MYF6: variants seen among roughly 807,000 people sequenced by gnomAD.
MYF6 encodes myogenic factor 6.
In MYF6, 20 loss-of-function variants were observed where a neutral mutation model predicts 21.7. That is an observed-to-expected ratio of 0.92 (90% CI 0.65 to 1.34). The LOEUF (loss-of-function observed/expected upper bound fraction) is 1.34, where lower values mean the gene tolerates loss of function less well. Ranked by LOEUF, MYF6 falls within the 40% of genes most tolerant of loss-of-function variation. MYF6 has a pLI of 0.00. For missense variants in MYF6, 320 were observed against 304.1 expected (o/e 1.05, Z -0.39); for synonymous variants, 124 against 124.7 (o/e 0.99, Z 0.04).
At chr12:80,708,768 G>A (rs934817396) in intron 2 of MYF6, 74 bp from the exon 3 acceptor site, 1 of 1,554,190 alleles carries the variant, frequency 6.4e-7, no homozygotes, top group South Asian at 1.1e-5. Context: ...TGCCAAAGCG[G>A]CCTCGCGCGG....
rs2121347018 is a variant in MYF6 at position 80,709,143 on chromosome 12, G to C, written c.*183G>C. 1 of 594,596 alleles carries C rather than the reference G, an allele frequency of 1.7e-6. No individual in the cohort carries two copies. The highest frequency in any genetic ancestry group is 2.0e-5 in the South Asian group (1 of 50,538). 36.8% of individuals were successfully genotyped at this position (594,596 alleles called of 1,614,324 possible). A position where few individuals can be genotyped will look rare whatever the true frequency, so the allele number is the denominator to read the frequency against. ...GAAAATTGCGAAATCTGTTGTGCAT[G>C]CTCAAATGAAAACGCCTTTCGGCTT... On this transcript the variant is annotated 3_prime_UTR_variant, in exon 3 of 3. Transcript: ENST00000228641.
chr12:80,707,870 G>A lies in MYF6; in HGVS notation c.151G>A (p.Glu51Lys). Residue 51 changes from glutamate (E) to lysine (K), a missense_variant, in exon 1 of 3, where the codon GAA becomes AAA. Physicochemically the swap from Glu to Lys is moderately conservative, Grantham distance 56. Coordinates refer to ENST00000228641, the MANE Select transcript of MYF6 (RefSeq NM_002469.3). ...CCCCTGCCAGGACCAAATGCCCCCGGAAGCGGGGAGCGACAGCAGCGGAGA... is the reference window on the plus strand; with the variant it reads ...CCCCTGCCAGGACCAAATGCCCCCGAAAGCGGGGAGCGACAGCAGCGGAGA... ...LSPCQDQMPPEAGSDSSGEEH... is the reference protein window; with the variant it reads ...LSPCQDQMPPKAGSDSSGEEH... The A allele has an allele frequency of 6.2e-7, 1 of 1,614,216 alleles. No homozygotes were observed. Among genetic ancestry groups the A allele is most frequent in the South Asian group, 1.1e-5 (1 of 91,090 alleles).
Position 80,708,020 on chromosome 12 carries a change from C to G in MYF6, c.301C>G (p.Arg101Gly). 1 of 1,614,140 alleles carries G rather than the reference C, an allele frequency of 6.2e-7. No homozygotes were observed. The highest frequency in any genetic ancestry group is 8.5e-7 in the Non-Finnish European group (1 of 1,180,036). ...PTDRRKAATL[R>G]ERRRLKKINE... ...TGACCGGCGAAAAGCCGCCACCCTG[C>G]GCGAAAGGAGGAGGCTAAAGAAAAT... The change falls in exon 1 of 3, where the codon CGC (arginine) becomes GGC (glycine). Residue 101 changes from arginine (R) to glycine (G), a missense_variant. Transcript: ENST00000228641.
intron 2 of MYF6, 60 bp downstream of exon 2, chr12:80,708,674 G>C: frequency 6.4e-7 from 1 of 1,566,200 alleles, no homozygotes; most frequent in Non-Finnish European, 8.8e-7. Context: ...TAGGATGCTT[G>C]GGCCGAGAGG....
In MYF6 at chr12:80,708,211, C is replaced by T. The variant is rs771726479; in HGVS notation, c.492C>T (p.Pro164=). The T allele has an allele frequency of 8.7e-6, 14 of 1,612,678 alleles. No individual in the cohort carries two copies. The highest frequency in any genetic ancestry group is 1.3e-5 in the African/African-American group (1 of 74,882). Reference sequence around the variant, plus strand: ...AGATGCAGGAGCTGGGGGTGGACCCCTTCAGCTACAGACCCAAACAAGAAA... The same window carrying T: ...AGATGCAGGAGCTGGGGGTGGACCCTTTCAGCTACAGACCCAAACAAGAAA... ...QEKMQELGVD[P]FSYRPKQENL... is the part of the protein sequence containing the mutation. Residue 164 remains proline (P), a synonymous_variant, in exon 1 of 3, where the codon CCC becomes CCT. Coordinates refer to ENST00000228641, the MANE Select transcript of MYF6 (RefSeq NM_002469.3).
intron 1 of MYF6, 71 bp downstream of exon 1, chr12:80,708,309 C>T: frequency 6.4e-7 from 1 of 1,559,526 alleles, no homozygotes; most frequent in Non-Finnish European, 8.6e-7. Flanking sequence ...GCCTTAACCT[C>T]CAGCTGCTTG....
Position 80,708,981 on chromosome 12 carries a change from TTCTCCACGCAGCA to T in MYF6, c.*22_*34del. The T allele has an allele frequency of 6.4e-7, 1 of 1,559,052 alleles. No homozygotes were observed. Among genetic ancestry groups the T allele is most frequent in the Non-Finnish European group, 8.8e-7 (1 of 1,129,944 alleles). ...AGTAACTGAGCCTGCGCTTGAGACC[TTCTCCACGCAGCA>T]GGAAGATCCCACCGACCCTTCCTGG... On this transcript the variant is annotated 3_prime_UTR_variant, in exon 3 of 3. Coordinates refer to ENST00000228641, the MANE Select transcript of MYF6 (RefSeq NM_002469.3).
At chr12:80,708,312 G>A in intron 1 of MYF6, 74 bp downstream of exon 1, 1 of 1,556,980 alleles carries the variant, frequency 6.4e-7, no homozygotes, top group Non-Finnish European at 8.6e-7. Context: ...TTAACCTCCA[G>A]CTGCTTGGTC....
rs1216666129 is a variant in MYF6 at position 80,708,083 on chromosome 12, G to A, written c.364G>A (p.Ala122Thr). Residue 122 changes from alanine (A) to threonine (T), a missense_variant, in exon 1 of 3, where the codon GCC becomes ACC. Coordinates refer to ENST00000228641, the MANE Select transcript of MYF6 (RefSeq NM_002469.3). ...CGAGGCACTGAAGCGGCGAACTGTG[G>A]CCAACCCCAACCAGAGGCTGCCCAA... ...AFEALKRRTV[A>T]NPNQRLPKVE... is the part of the protein sequence containing the mutation. The A allele has an allele frequency of 6.2e-7, 1 of 1,614,058 alleles. No individual in the cohort carries two copies. Among genetic ancestry groups the A allele is most frequent in the African/African-American group, 1.3e-5 (1 of 74,922 alleles).
At chr12:80,708,733 G>C (rs1868418981) in intron 2 of MYF6, 109 bp from the exon 3 acceptor site, 1 of 1,518,598 alleles carries the variant, frequency 6.6e-7, no homozygotes, top group Non-Finnish European at 9.1e-7. Flanking sequence ...CGCTCTTTGC[G>C]CGCCGGGACC....
intron 2 of MYF6, 86 bp downstream of exon 2, chr12:80,708,700 A>G: frequency 6.5e-7 from 1 of 1,530,972 alleles, no homozygotes; most frequent in Non-Finnish European, 9.0e-7. Context: ...AAGCGAGAGC[A>G]GGGACGCGCC....
chr12:80,709,469 TA>T lies in MYF6; in HGVS notation c.*510del, dbSNP rs1324577959. On this transcript the variant is annotated 3_prime_UTR_variant, in exon 3 of 3. Coordinates refer to ENST00000228641, the MANE Select transcript of MYF6 (RefSeq NM_002469.3). ...TTGTAATATTAAAAAGAAGTTTCTA[TA>T]TGAACAAAGTTGGTCCTAATTTGAT... The T allele has an allele frequency of 2.6e-5, 4 of 154,044 alleles. No homozygotes were observed. The highest frequency in any genetic ancestry group is 5.8e-5 in the Non-Finnish European group (4 of 69,068). 9.5% of individuals were successfully genotyped at this position (154,044 alleles called of 1,614,324 possible).
chr12:80,708,717 A>G, intron 2 of MYF6, 103 bp downstream of exon 2: 1 of 1,517,194 alleles, frequency 6.6e-7, no homozygotes, highest in Non-Finnish European at 9.2e-7. Context: ...CGCCCTGCGA[A>G]AAGGGCGCTC....
Position 80,708,080 on chromosome 12 carries a change from G to C in MYF6, c.361G>C (p.Val121Leu). Reference protein sequence around the residue: ...EAFEALKRRTVANPNQRLPKV... With the variant: ...EAFEALKRRTLANPNQRLPKV... The stretch of plus-strand genomic sequence containing the variant: ...CTTCGAGGCACTGAAGCGGCGAACT[G>C]TGGCCAACCCCAACCAGAGGCTGCC... The change falls in exon 1 of 3, where the codon GTG becomes CTG. Residue 121 changes from valine (V) to leucine (L), a missense_variant. By Grantham distance (32) the Val-to-Leu change is conservative (BLOSUM62 1). Coordinates refer to ENST00000228641, the MANE Select transcript of MYF6 (RefSeq NM_002469.3). 6.2e-7 allele frequency: 1 copy of C among 1,614,192 alleles called. No individual in the cohort carries two copies. Among genetic ancestry groups the C allele is most frequent in the Admixed American group, 1.7e-5 (1 of 60,028 alleles).
Position 80,709,310 on chromosome 12 carries a change from T to C in MYF6, c.*350T>C, listed in dbSNP as rs747763085. The C allele has an allele frequency of 3.7e-5, 8 of 215,824 alleles. No individual in the cohort carries two copies. The highest frequency in any genetic ancestry group is 6.6e-5 in the Non-Finnish European group (7 of 106,416). 13.4% of individuals were successfully genotyped at this position (215,824 alleles called of 1,614,324 possible). ...AAAAGAAGTTCATTCCTGTCTAAAG[T>C]GGGAAAGTTGCATTTAATGTTAGGG... On this transcript the variant is annotated 3_prime_UTR_variant, in exon 3 of 3. Transcript: ENST00000228641.
chr12:80,707,786 C>A lies in MYF6; in HGVS notation c.67C>A (p.Gln23Lys), dbSNP rs1175436590. The change falls in exon 1 of 3, where the codon CAG (glutamine) becomes AAG (lysine). Residue 23 changes from glutamine (Q) to lysine (K), a missense_variant. Physicochemically the swap from Gln to Lys is moderately conservative, Grantham distance 53. Transcript: ENST00000228641. ...FYLDGENVTLQPLEVAEGSPL... is the reference protein window; with the variant it reads ...FYLDGENVTLKPLEVAEGSPL... ...CTTGGATGGGGAAAATGTTACTCTG[C>A]AGCCATTAGAAGTGGCAGAAGGCTC... 6.2e-7 allele frequency: 1 copy of A among 1,614,148 alleles called. No individual in the cohort carries two copies. Among genetic ancestry groups the A allele is most frequent in the East Asian group, 2.2e-5 (1 of 44,860 alleles).
In MYF6 at chr12:80,708,166, C is replaced by T; in HGVS notation, c.447C>T (p.His149=). 6.2e-7 allele frequency: 1 copy of T among 1,613,974 alleles called. No individual in the cohort carries two copies. The highest frequency in any genetic ancestry group is 1.7e-5 in the Admixed American group (1 of 60,028). The change falls in exon 1 of 3, where the codon CAC becomes CAT. Residue 149 remains histidine, a synonymous_variant. Coordinates refer to ENST00000228641, the MANE Select transcript of MYF6 (RefSeq NM_002469.3). ...TTGAGCGGCTGCAGGACCTGCTGCA[C>T]CGGCTGGATCAGCAGGAGAAGATGC... The part of the protein sequence containing the change: ...SYIERLQDLL[H]RLDQQEKMQE...
Position 80,708,619 on chromosome 12 carries a change from A to G in MYF6, c.610+5A>G. 1 of 1,613,732 alleles carries G rather than the reference A, an allele frequency of 6.2e-7. No individual in the cohort carries two copies. Among genetic ancestry groups the G allele is most frequent in the Non-Finnish European group, 8.5e-7 (1 of 1,179,630 alleles). ...TCGTGATAACGGCTAAGGAAGGTAAAGTAAAAGGGCTCTGGGCCGCACCAG... is the reference window on the plus strand; with the variant it reads ...TCGTGATAACGGCTAAGGAAGGTAAGGTAAAAGGGCTCTGGGCCGCACCAG... On this transcript the variant is annotated splice_donor_5th_base_variant and intron_variant, in intron 2 of 2. Transcript: ENST00000228641.
At position 80,708,688 on chromosome 12, in the gene MYF6, C is replaced by G. The variant is rs1406813530; in HGVS notation, c.610+74C>G. 5 of 1,549,166 alleles carry G rather than the reference C, an allele frequency of 3.2e-6. No homozygotes were observed. The South Asian group carries it at 5.6e-5, about 17-fold the overall frequency. ...ATAGGATGCTTGGGCCGAGAGGGCT[C>G]GAAGCGAGAGCAGGGACGCGCCCTG... On this transcript the variant is annotated intron_variant, in intron 2 of 2. Transcript: ENST00000228641.
Sources: allele counts gnomAD v4.1 joint callset, GRCh38; gene constraint gnomAD v4.1.1; transcripts MANE v1.5; gene names NCBI Gene and HGNC (gene_info 2026-07-23, HGNC 2026-07-21).